Variants in MACROD2 observed in about 807,000 individuals in gnomAD.
The protein encoded by MACROD2 is mono-ADP ribosylhydrolase 2.
MACROD2 carries 36 observed loss-of-function variants against 70.4 expected under a neutral mutation model. The observed-to-expected ratio is 0.51, with a 90% CI of 0.39 to 0.68. The LOEUF is 0.68. Among genes scored for constraint, MACROD2 ranks in the 30% least tolerant of loss-of-function variants. MACROD2 has a pLI of 0.00. For missense variants in MACROD2, 496 were observed against 538.4 expected (o/e 0.92, Z 0.78); for synonymous variants, 172 against 178.8 (o/e 0.96, Z 0.30).
At chr20:14,127,965 A>G in intron 3 of MACROD2, 1 of 513,008 alleles carries the variant, frequency 1.9e-6, no homozygotes, top group Non-Finnish European at 3.9e-6. Flanking sequence ...TGTTGGGGAA[A>G]TAGTCCCAAG....
At chr20:15,982,060 C>T (rs185292072) in intron 13 of MACROD2, among the ~76,000 whole-genome samples, 4 of 151,992 alleles carry the variant, frequency 2.6e-5, no homozygotes, top group African/African-American at 7.2e-5. Context: ...GCAGCACAAG[C>T]GTCAAATTTT....
chr20:14,683,037 AC>A (rs2070953570), intron 4 of MACROD2, among the ~76,000 whole-genome samples: 2 of 151,720 alleles, frequency 1.3e-5, no homozygotes, highest in African/African-American at 4.8e-5. Context: ...GCACCACCAC[AC>A]CCGGCTAATT....
At chr20:15,088,423 AT>A (rs2075766977) in intron 5 of MACROD2, among the ~76,000 whole-genome samples, 2 of 36,032 alleles carry the variant, frequency 5.6e-5, no homozygotes, top group Non-Finnish European at 9.7e-5. Context: ...ATATATATAT[AT>A]ATATATATAT....
chr20:14,778,156 G>A (rs1265124951), intron 5 of MACROD2, among the ~76,000 whole-genome samples: 1 of 152,126 alleles, frequency 6.6e-6, no homozygotes, highest in Non-Finnish European at 1.5e-5. Context: ...TTCAAATTGA[G>A]GTTGAGCTGA....
At chr20:15,945,102 C>G (rs1040213934) in intron 12 of MACROD2, among the ~76,000 whole-genome samples, 1 of 152,144 alleles carries the variant, frequency 6.6e-6, no homozygotes, top group Non-Finnish European at 1.5e-5. Context: ...TTTCCTCATA[C>G]ATAAAATAAG....
chr20:16,037,315 A>G (rs376563146), intron 15 of MACROD2, among the ~76,000 whole-genome samples: 1 of 151,962 alleles, frequency 6.6e-6, no homozygotes, highest in Admixed American at 6.6e-5. Context: ...AATTATGCCT[A>G]TTAGATAGAA....
In MACROD2 at chr20:15,308,887, A is replaced by G. The variant is rs533806404; in HGVS notation, c.540+78826A>G. 2.2e-4 allele frequency among the ~76,000 whole-genome samples: 34 copies of G among 152,252 alleles called. No individual in the cohort carries two copies. The South Asian group carries it at 6.7e-3, about 30-fold the overall frequency. ...GAATCATTTGGGTCAGACTGGCTTG[A>G]CTGGGCCTCCTTGTGCTTTGCTGTT... On this transcript the variant is annotated intron_variant, in intron 6 of 17. Transcript: ENST00000684519.
chr20:14,509,174 C>T (rs2085001669), intron 4 of MACROD2, among the ~76,000 whole-genome samples: 1 of 152,038 alleles, frequency 6.6e-6, no homozygotes, highest in African/African-American at 2.4e-5. Flanking sequence ...GATACTTTAT[C>T]TGTTAGGCTA....
chr20:15,925,466 G>A lies in MACROD2; in HGVS notation c.776-7810G>A, dbSNP rs1008645927. ...ATTTGTATTAACATGCCATATGGGA[G>A]AACCGTATGTTATTTATTAAGAGGC... On this transcript the variant is annotated intron_variant, in intron 10 of 17. Coordinates refer to ENST00000684519, the MANE Select transcript of MACROD2 (RefSeq NM_001351661.2). 3.0e-4 allele frequency among the ~76,000 whole-genome samples: 45 copies of A among 152,192 alleles called. 1 individual carries two copies. Among genetic ancestry groups the A allele is most frequent in the African/African-American group, 1.1e-3 (44 of 41,444 alleles).
chr20:14,307,522 C>T (rs117033192), intron 3 of MACROD2, among the ~76,000 whole-genome samples: 1,590 of 152,114 alleles, frequency 0.01, 9 homozygotes, highest in Non-Finnish European at 0.015. Context: ...TCTAAAATAA[C>T]AATTGTAGAT....
chr20:15,428,291 G>C (rs1343240075), intron 6 of MACROD2, among the ~76,000 whole-genome samples: 1 of 152,142 alleles, frequency 6.6e-6, no homozygotes, highest in African/African-American at 2.4e-5. Flanking sequence ...ATTAAAGTGG[G>C]CCATCTTGTT....
chr20:14,332,011 G>A (rs1465101202), intron 3 of MACROD2, among the ~76,000 whole-genome samples: 2 of 152,002 alleles, frequency 1.3e-5, no homozygotes, highest in African/African-American at 4.8e-5. Flanking sequence ...AACTTGGGAG[G>A]AAAACATAAA....
At chr20:15,055,305 A>G (rs1459579036) in intron 5 of MACROD2, among the ~76,000 whole-genome samples, 1 of 152,198 alleles carries the variant, frequency 6.6e-6, no homozygotes, top group Non-Finnish European at 1.5e-5. Flanking sequence ...GCATGGTAAT[A>G]TAATACAAAC....
chr20:15,216,878 T>C (rs918073052), intron 5 of MACROD2, among the ~76,000 whole-genome samples: 25 of 152,216 alleles, frequency 1.6e-4, no homozygotes, highest in Non-Finnish European at 1.9e-4. Context: ...TTAGCACTTG[T>C]CACTGTTTGA....
At chr20:14,490,452 T>C (rs2084781851) in intron 3 of MACROD2, among the ~76,000 whole-genome samples, 1 of 152,206 alleles carries the variant, frequency 6.6e-6, no homozygotes, top group South Asian at 2.1e-4. Context: ...ATGACTCATT[T>C]TAGTTTTGCA....
At position 15,153,128 on chromosome 20, in the gene MACROD2, C is replaced by G. The variant is rs192032404; in HGVS notation, c.419-76812C>G. Among the ~76,000 whole-genome samples, 93 of 152,140 alleles carry G rather than the reference C, an allele frequency of 6.1e-4. 2 individuals are homozygous for G. Among genetic ancestry groups the G allele is most frequent in the African/African-American group, 2.1e-3 (87 of 41,446 alleles). The stretch of plus-strand genomic sequence containing the variant: ...GATTGATCTCCCAAGGGAGGTCCCC[C>G]AGTTCGAGTCACGGCACCAAATTTC... On this transcript the variant is annotated intron_variant, in intron 5 of 17. Coordinates refer to ENST00000684519, the MANE Select transcript of MACROD2 (RefSeq NM_001351661.2).
intron 2 of MACROD2, among the ~76,000 whole-genome samples, chr20:14,054,610 A>G (rs1442332490): frequency 2.0e-5 from 3 of 152,280 alleles, no homozygotes; most frequent in African/African-American, 7.2e-5. Context: ...GAGGGAGCCA[A>G]TAGAGTAAAA....
intron 5 of MACROD2, among the ~76,000 whole-genome samples, chr20:15,026,839 G>A (rs6110498): frequency 2.6e-5 from 4 of 152,146 alleles, no homozygotes; most frequent in Non-Finnish European, 5.9e-5. Flanking sequence ...TCAGTCTGGA[G>A]GCAGTCTGGC....
chr20:15,193,546 G>A (rs1023177756), intron 5 of MACROD2, among the ~76,000 whole-genome samples: 9 of 152,112 alleles, frequency 5.9e-5, no homozygotes, highest in African/African-American at 2.2e-4. Flanking sequence ...TACTTGAGAG[G>A]CTGAGGTCGG....
Sources: allele counts gnomAD v4.1 joint callset (sites outside exome capture counted in the v4.1 genomes callset), GRCh38; gene constraint gnomAD v4.1.1; transcripts MANE v1.5; gene names NCBI Gene and HGNC (gene_info 2026-07-23, HGNC 2026-07-21).